The following RALGAPA2 variants were observed in gnomAD, a reference collection of about 807,000 sequenced individuals.
RALGAPA2 encodes ral GTPase-activating protein subunit alpha-2.
RALGAPA2 carries 139 observed loss-of-function variants against 230.4 expected under a neutral mutation model. The ratio of observed to expected loss-of-function variants is 0.60; its 90% CI spans 0.53 to 0.69. The LOEUF is 0.69. RALGAPA2 is among the 30% of genes least tolerant of loss of function. RALGAPA2 has a pLI of 0.00. For missense variants in RALGAPA2, 2,163 were observed against 2,276.0 expected (o/e 0.95, Z 1.01); for synonymous variants, 847 against 837.8 (o/e 1.01, Z -0.19).
intron 36 of RALGAPA2, among the ~76,000 whole-genome samples, chr20:20,490,637 G>A (rs983977406): frequency 6.6e-6 from 1 of 152,142 alleles, no homozygotes; most frequent in Non-Finnish European, 1.5e-5. Flanking sequence ...ACATAACCAT[G>A]TTGCAAAGTC....
Position 20,620,513 on chromosome 20 carries a change from C to T in RALGAPA2, c.1351G>A (p.Ala451Thr). ...FMEEPDRKDV[A>T]QEDAEKLGFS... ...CCTAATTTTTCAGCATCTTCTTGGG[C>T]AACATCTTTTCTATCTGGCTCCTCC... Residue 451 changes from alanine (A) to threonine (T), a missense_variant, in exon 11 of 40, where the codon GCC becomes ACC. Coordinates refer to ENST00000202677, the MANE Select transcript of RALGAPA2 (RefSeq NM_020343.4). 1.2e-6 allele frequency: 2 copies of T among 1,613,972 alleles called. No individual in the cohort carries two copies. Among genetic ancestry groups the T allele is most frequent in the South Asian group, 2.2e-5 (2 of 91,084 alleles).
At chr20:20,421,147 T>C (rs1472829138) in intron 37 of RALGAPA2, among the ~76,000 whole-genome samples, 1 of 137,240 alleles carries the variant, frequency 7.3e-6, no homozygotes, top group African/African-American at 2.8e-5. Flanking sequence ...AAGGGATGGA[T>C]GTGCATAGAC....
intron 38 of RALGAPA2, among the ~76,000 whole-genome samples, chr20:20,408,624 G>A (rs1161811422): frequency 6.6e-6 from 1 of 152,186 alleles, no homozygotes; most frequent in Non-Finnish European, 1.5e-5. Flanking sequence ...GTCCCTCCCA[G>A]CAGTCGAGGG....
chr20:20,401,863 G>A (rs1369516685), intron 38 of RALGAPA2, among the ~76,000 whole-genome samples: 1 of 152,188 alleles, frequency 6.6e-6, no homozygotes, highest in Non-Finnish European at 1.5e-5. Flanking sequence ...TGCAAAGTAG[G>A]CAACCCTTTA....
rs544149158 is a variant in RALGAPA2, at chr20:20,630,712, A to G, written c.1006-1122T>C. Among the ~76,000 whole-genome samples the G allele has an allele frequency of 3.3e-5, 5 of 152,322 alleles. No homozygotes were observed. In the South Asian group the frequency reaches 8.3e-4, roughly 25 times the overall value. On this transcript the variant is annotated intron_variant, in intron 9 of 39. Coordinates refer to ENST00000202677, the MANE Select transcript of RALGAPA2 (RefSeq NM_020343.4). ...TGACTCAAGGATGAGTATGGTACAG[A>G]AAGAAGAGGCCCAAACTAAGTCTCA...
At chr20:20,591,458 C>G in intron 16 of RALGAPA2, 144 bp from the exon 17 acceptor site, 6 of 1,028,156 alleles carry the variant, frequency 5.8e-6, no homozygotes, top group Non-Finnish European at 8.3e-6. Flanking sequence ...TTTAAATGAT[C>G]AAGTTTCCTA....
At chr20:20,455,475 A>C (rs1453570138) in intron 37 of RALGAPA2, among the ~76,000 whole-genome samples, 1 of 152,230 alleles carries the variant, frequency 6.6e-6, no homozygotes, top group Non-Finnish European at 1.5e-5. Context: ...CGAGATCCAA[A>C]GATGCCATGT....
intron 37 of RALGAPA2, among the ~76,000 whole-genome samples, chr20:20,440,653 C>T (rs972651240): frequency 1.3e-5 from 2 of 152,232 alleles, no homozygotes; most frequent in Non-Finnish European, 2.9e-5. Flanking sequence ...TTCTCGCCCC[C>T]GGCCATACTG....
chr20:20,509,675 G>A (rs1247481615), intron 33 of RALGAPA2, among the ~76,000 whole-genome samples: 4 of 151,922 alleles, frequency 2.6e-5, no homozygotes, highest in Non-Finnish European at 5.9e-5. Context: ...GAGACAGGTG[G>A]GAAAGTAGAA....
At chr20:20,671,213 T>C (rs189768253) in intron 3 of RALGAPA2, among the ~76,000 whole-genome samples, 2 of 152,348 alleles carry the variant, frequency 1.3e-5, no homozygotes, top group Admixed American at 6.5e-5. Context: ...TAAAAACTAC[T>C]GTTTCCTTTT....
intron 1 of RALGAPA2, among the ~76,000 whole-genome samples, chr20:20,688,127 A>G (rs73297002): frequency 0.068 from 10,274 of 152,102 alleles, 455 homozygotes; most frequent in East Asian, 0.16. Context: ...TTAATGGCCA[A>G]TCAACACTCT....
At chr20:20,417,414 G>A (rs184793158) in intron 37 of RALGAPA2, among the ~76,000 whole-genome samples, 183 of 152,330 alleles carry the variant, frequency 1.2e-3, no homozygotes, top group African/African-American at 4.2e-3. Context: ...GTGGCTGTCT[G>A]CATTCACGGG....
chr20:20,406,954 G>A (rs946908914), intron 38 of RALGAPA2, among the ~76,000 whole-genome samples: 1 of 152,138 alleles, frequency 6.6e-6, no homozygotes, highest in Admixed American at 6.5e-5. Context: ...TTTGACTCTG[G>A]CCTTTAGTAT....
chr20:20,397,662 CTGCCAAGGT>C (rs2059745900), intron 38 of RALGAPA2, among the ~76,000 whole-genome samples: 1 of 152,226 alleles, frequency 6.6e-6, no homozygotes, highest in Non-Finnish European at 1.5e-5. Flanking sequence ...CTGACCCCCT[CTGCCAAGGT>C]TGCCAAGGTT....
At chr20:20,411,959 A>T in intron 38 of RALGAPA2, 68 bp downstream of exon 38, 1 of 1,579,536 alleles carries the variant, frequency 6.3e-7, no homozygotes, top group African/African-American at 1.3e-5. Context: ...TATCTGTGAA[A>T]AACAGGTGTA....
At chr20:20,632,265 C>A (rs942114386) in intron 9 of RALGAPA2, among the ~76,000 whole-genome samples, 4 of 151,964 alleles carry the variant, frequency 2.6e-5, no homozygotes, top group Non-Finnish European at 5.9e-5. Context: ...CTCCTGACCT[C>A]GTGATCCGCC....
chr20:20,412,545 T>C (rs1004115584), intron 37 of RALGAPA2, among the ~76,000 whole-genome samples: 1 of 152,148 alleles, frequency 6.6e-6, no homozygotes. Flanking sequence ...GACATATGAG[T>C]TGATACTTCA....
intron 1 of RALGAPA2, among the ~76,000 whole-genome samples, chr20:20,697,575 G>C (rs2069167153): frequency 1.3e-5 from 2 of 152,218 alleles, no homozygotes; most frequent in South Asian, 4.1e-4. Flanking sequence ...GCCAGAATGA[G>C]GTTCTATCTC....
rs777345293 is a variant in RALGAPA2 at position 20,393,239 on chromosome 20, T to C, written c.*50A>G. On this transcript the variant is annotated 3_prime_UTR_variant, in exon 40 of 40. Coordinates refer to ENST00000202677, the MANE Select transcript of RALGAPA2 (RefSeq NM_020343.4). ...GGCTCTTCGAGGTCAGCACTCAGAC[T>C]GGAGGCCAGGGCCCCTGCAAAGGAA... 1 of 1,354,106 alleles carries C rather than the reference T, an allele frequency of 7.4e-7. No homozygotes were observed. 83.9% of individuals were successfully genotyped at this position (1,354,106 alleles called of 1,614,324 possible).
Sources: gnomAD v4.1 joint callset for allele counts (sites outside exome capture counted in the v4.1 genomes callset) on GRCh38, gnomAD v4.1.1 for gene constraint, MANE v1.5 for transcripts, NCBI Gene and HGNC (gene_info 2026-07-23, HGNC 2026-07-21) for gene names.